Variants in AP4E1 observed in about 807,000 individuals in gnomAD.
AP4E1 encodes AP-4 complex subunit epsilon-1.
In AP4E1, 56 loss-of-function variants were observed where a neutral mutation model predicts 128.2. The observed-to-expected ratio is 0.44, with a 90% CI of 0.35 to 0.55. The LOEUF (loss-of-function observed/expected upper bound fraction) is 0.55, where lower values mean the gene tolerates loss of function less well. Ranked by LOEUF, AP4E1 falls within the 20% of genes least tolerant of loss-of-function variation. AP4E1 has a pLI of 0.00. For synonymous variants in AP4E1, 484 were observed against 473.1 expected, an observed-to-expected ratio of 1.02 and a Z score of -0.30; for missense variants, 1,324 against 1,307.7, an observed-to-expected ratio of 1.01 and a Z score of -0.19.
At chr15:50,925,689 G>T (rs934609425) in intron 5 of AP4E1, among the ~76,000 whole-genome samples, 10 of 150,090 alleles carry the variant, frequency 6.7e-5, no homozygotes, top group Non-Finnish European at 1.5e-4. Context: ...GAGTGCAATG[G>T]CATGAACTTG....
intron 2 of AP4E1, among the ~76,000 whole-genome samples, chr15:50,913,466 G>A (rs1214457452): frequency 6.6e-6 from 1 of 152,210 alleles, no homozygotes; most frequent in East Asian, 1.9e-4. Context: ...GAGTTTGAAA[G>A]GAAGGTTTTA....
chr15:50,950,811 C>T (rs2064138207), intron 13 of AP4E1, among the ~76,000 whole-genome samples: 1 of 152,040 alleles, frequency 6.6e-6, no homozygotes, highest in Non-Finnish European at 1.5e-5. Flanking sequence ...GTGTTGTTCC[C>T]CTCCGTGTGT....
intron 6 of AP4E1, among the ~76,000 whole-genome samples, chr15:50,930,390 C>T (rs1689594586): frequency 6.7e-6 from 1 of 148,300 alleles, no homozygotes; most frequent in Admixed American, 6.8e-5. Context: ...AACTCATTTA[C>T]ATGGGAAGTC....
At chr15:50,948,633 T>G (rs2064099333) in intron 11 of AP4E1, among the ~76,000 whole-genome samples, 1 of 152,182 alleles carries the variant, frequency 6.6e-6, no homozygotes, top group South Asian at 2.1e-4. Flanking sequence ...TTCTTAAAAG[T>G]CAGAAGAACT....
intron 16 of AP4E1, among the ~76,000 whole-genome samples, chr15:50,988,097 G>A (rs1009542481): frequency 6.6e-6 from 1 of 152,032 alleles, no homozygotes; most frequent in Admixed American, 6.6e-5. Flanking sequence ...ATATAGAGGT[G>A]AACATAAAAT....
At chr15:50,913,649 T>C (rs940430809) in intron 2 of AP4E1, among the ~76,000 whole-genome samples, 3 of 152,250 alleles carry the variant, frequency 2.0e-5, no homozygotes, top group Admixed American at 1.3e-4. Flanking sequence ...ATAAAGTTCA[T>C]AATGACTTTT....
At chr15:50,947,615 G>C (rs2064080815) in intron 10 of AP4E1, among the ~76,000 whole-genome samples, 1 of 152,034 alleles carries the variant, frequency 6.6e-6, no homozygotes, top group South Asian at 2.1e-4. Context: ...ATGGGAAATA[G>C]TTTCCAAGAC....
rs911599343 is a variant in AP4E1 at position 50,941,365 on chromosome 15, A to C, written c.944-77A>C. 4 of 1,516,332 alleles carry C rather than the reference A, an allele frequency of 2.6e-6. No individual in the cohort carries two copies. In the African/African-American group the frequency reaches 4.1e-5, roughly 16 times the overall value. 93.9% of individuals were successfully genotyped at this position (1,516,332 alleles called of 1,614,324 possible). ...TAAAATGGACTTTCCAATTAGTTTT[A>C]TTACAAGTTCTACACAAATACATTG... is the stretch of plus-strand genomic sequence containing the variant. On this transcript the variant is annotated intron_variant, in intron 8 of 20. Transcript: ENST00000261842.
Position 50,929,177 on chromosome 15 carries a change from G to C in AP4E1, c.702+9G>C, listed in dbSNP as rs371073598. On this transcript the variant is annotated intron_variant, in intron 6 of 20. Transcript: ENST00000261842. ...ATCTTAGAATGATTAAGGTAAGTTG[G>C]AAATTTTAGCAAGTACTGAGTAGTT... The C allele has an allele frequency of 1.8e-5, 29 of 1,612,996 alleles. No individual in the cohort carries two copies. The highest frequency in any genetic ancestry group is 2.4e-5 in the Non-Finnish European group (28 of 1,179,642).
chr15:50,947,991 A>T (rs770438238), intron 10 of AP4E1, 29 bp from the exon 11 acceptor site: 2 of 1,509,662 alleles, frequency 1.3e-6, no homozygotes, highest in African/African-American at 2.8e-5. Context: ...GTTTTATAAT[A>T]TTGTTTTTAA....
At chr15:50,949,795 G>T (rs2064119436) in intron 11 of AP4E1, 31 bp from the exon 12 acceptor site, 22 of 1,476,854 alleles carry the variant, frequency 1.5e-5, no homozygotes, top group Non-Finnish European at 2.0e-5. Flanking sequence ...GTAGCATTTG[G>T]AAGTGTACTT....
intron 16 of AP4E1, among the ~76,000 whole-genome samples, chr15:50,989,488 T>C (rs1156572031): frequency 1.4e-5 from 2 of 143,438 alleles, no homozygotes; most frequent in Non-Finnish European, 3.0e-5. Context: ...TTTTCTTATC[T>C]TTTTTTTTTT....
chr15:50,948,185 C>A, intron 11 of AP4E1, 26 bp downstream of exon 11: 1 of 1,613,020 alleles, frequency 6.2e-7, no homozygotes, highest in Non-Finnish European at 8.5e-7. Context: ...GACCATGAGT[C>A]TTAAAATAGT....
intron 19 of AP4E1, among the ~76,000 whole-genome samples, 174 bp downstream of exon 19, chr15:50,999,436 A>G (rs2064927987): frequency 6.6e-6 from 1 of 152,216 alleles, no homozygotes; most frequent in East Asian, 1.9e-4. Flanking sequence ...GAGCAATTAC[A>G]TAAATACATA....
intron 16 of AP4E1, among the ~76,000 whole-genome samples, chr15:50,985,414 G>A (rs1186197970): frequency 1.3e-5 from 2 of 152,154 alleles, no homozygotes; most frequent in African/African-American, 4.8e-5. Flanking sequence ...TATTGCCTAG[G>A]TTTTCTTCTA....
In AP4E1 at chr15:50,997,850, T is replaced by C. The variant is rs755609022; in HGVS notation, c.2871T>C (p.Ala957=). The part of the protein sequence containing the change: ...TNKSGLELKS[A]DLEIFPAENF... Reference sequence around the variant, plus strand: ...AGAGTGGTTTGGAATTGAAAAGTGCTGACTTAGAAATTTTTCCTGCAGAAA... The same window carrying C: ...AGAGTGGTTTGGAATTGAAAAGTGCCGACTTAGAAATTTTTCCTGCAGAAA... The change falls in exon 18 of 21, where the codon GCT becomes GCC. Residue 957 remains alanine, a synonymous_variant. Transcript: ENST00000261842. 7.5e-6 allele frequency: 12 copies of C among 1,599,124 alleles called. No homozygotes were observed. The South Asian group carries it at 1.0e-4, about 13-fold the overall frequency.
At chr15:50,944,430 T>A (rs546141415) in intron 10 of AP4E1, among the ~76,000 whole-genome samples, 2 of 152,272 alleles carry the variant, frequency 1.3e-5, no homozygotes, top group African/African-American at 4.8e-5. Flanking sequence ...GGTCTTAGAA[T>A]AGGAAATAAA....
At chr15:50,984,297 C>T in intron 16 of AP4E1, 152 bp downstream of exon 16, 2 of 982,388 alleles carry the variant, frequency 2.0e-6, no homozygotes, top group South Asian at 1.6e-5. Flanking sequence ...CAGTGGTTTT[C>T]ACATAATTTT....
rs1596447096 is a variant in AP4E1 at position 50,908,725 on chromosome 15, A to G, written c.-54A>G. The G allele has an allele frequency of 6.9e-7, 1 of 1,456,036 alleles. No homozygotes were observed. 90.2% of individuals were successfully genotyped at this position (1,456,036 alleles called of 1,614,324 possible). A position where few individuals can be genotyped will look rare whatever the true frequency, so the allele number is the denominator to read the frequency against. On this transcript the variant is annotated 5_prime_UTR_variant, in exon 1 of 21. Transcript: ENST00000261842. ...GGCCGGCAGCGGCGGCCGGGCATGA[A>G]GCCGGGCGGCTACGGGATCGCGGGC...
Sources: allele counts gnomAD v4.1 joint callset (sites outside exome capture counted in the v4.1 genomes callset), GRCh38; gene constraint gnomAD v4.1.1; transcripts MANE v1.5; gene names NCBI Gene and HGNC (gene_info 2026-07-23, HGNC 2026-07-21).